LOC128125822: variants seen among roughly 807,000 people sequenced by gnomAD.
At chr6:63,581,889 AATG>A in the LOC128125822 span, 1 of 152,308 alleles carries the variant, frequency 6.6e-6, no homozygotes, top group Non-Finnish European at 1.5e-5. Context: ...AGTTTCCTTT[AATG>A]ATCCACAATA....
At chr6:63,581,588 T>TTG in the LOC128125822 span, 1 of 152,146 alleles carries the variant, frequency 6.6e-6, no homozygotes, top group Admixed American at 6.5e-5. Flanking sequence ...TAGTAAACTT[T>TTG]TAGACAAAAT....
chr6:63,579,811 G>T, the LOC128125822 span, among the ~76,000 whole-genome samples: 2 of 152,102 alleles, frequency 1.3e-5, no homozygotes, highest in Admixed American at 1.3e-4. Context: ...GTGGACTTAC[G>T]TGTAAATGGA....
the LOC128125822 span, chr6:63,573,567 A>G: frequency 6.6e-6 from 1 of 152,206 alleles, no homozygotes; most frequent in East Asian, 1.9e-4. Context: ...CCTCTGGGGC[A>G]TTCCGCGAGC....
At chr6:63,574,044 A>C in the LOC128125822 span, among the ~76,000 whole-genome samples, 2 of 151,990 alleles carry the variant, frequency 1.3e-5, no homozygotes, top group Admixed American at 6.5e-5. Flanking sequence ...GTATTAAGTT[A>C]TTTACACTAC....
the LOC128125822 span, chr6:63,578,390 G>T: frequency 6.4e-7 from 1 of 1,569,390 alleles, no homozygotes; most frequent in South Asian, 1.2e-5. Context: ...TTGAGTTATA[G>T]TGATGTGGTT....
At chr6:63,581,183 T>C in the LOC128125822 span, 2 of 152,556 alleles carry the variant, frequency 1.3e-5, no homozygotes, top group East Asian at 1.9e-4. Flanking sequence ...AAAAAAGAAA[T>C]GGGTTTCTGC....
At chr6:63,579,163 A>G in the LOC128125822 span, 3 of 1,399,940 alleles carry the variant, frequency 2.1e-6, no homozygotes, top group Non-Finnish European at 2.9e-6. Context: ...GAAGGGTGGT[A>G]GATAATACTT....
At chr6:63,577,046 C>T in the LOC128125822 span, 1 of 1,331,274 alleles carries the variant, frequency 7.5e-7, no homozygotes, top group South Asian at 1.3e-5. Flanking sequence ...GGACTTATAG[C>T]TAACAAAATA....
At chr6:63,579,922 C>CT in the LOC128125822 span, 2 of 666,810 alleles carry the variant, frequency 3.0e-6, no homozygotes, top group Non-Finnish European at 5.3e-6. Context: ...GTTCATATTC[C>CT]TTTCTGCATC....
chr6:63,578,425 C>T, the LOC128125822 span: 9 of 1,593,668 alleles, frequency 5.6e-6, no homozygotes, highest in South Asian at 2.3e-5. Context: ...TTTTAATGTA[C>T]GTTTTATCCA....
the LOC128125822 span, chr6:63,581,839 A>G: frequency 6.6e-6 from 1 of 152,274 alleles, no homozygotes; most frequent in East Asian, 1.9e-4. Context: ...TTTGAAATTA[A>G]TTTAAATATT....
chr6:63,574,740 T>C, the LOC128125822 span, among the ~76,000 whole-genome samples: 2 of 152,344 alleles, frequency 1.3e-5, no homozygotes, highest in Admixed American at 6.5e-5. Flanking sequence ...TATAAAGCTT[T>C]TAAAGATCAT....
chr6:63,574,235 C>A, the LOC128125822 span, among the ~76,000 whole-genome samples: 1 of 152,168 alleles, frequency 6.6e-6, no homozygotes, highest in Non-Finnish European at 1.5e-5. Flanking sequence ...TTGTTTGTGA[C>A]AAAGGAGTTA....
At chr6:63,573,769 G>T in the LOC128125822 span, among the ~76,000 whole-genome samples, 4 of 152,148 alleles carry the variant, frequency 2.6e-5, no homozygotes, top group African/African-American at 9.7e-5. Flanking sequence ...GGCCTGGTTC[G>T]GAGCGTCTTG....
At chr6:63,576,348 G>C in the LOC128125822 span, 5 of 395,770 alleles carry the variant, frequency 1.3e-5, no homozygotes, top group Non-Finnish European at 1.8e-5. Flanking sequence ...AAAAATAGTT[G>C]TGTACTTAAA....
chr6:63,575,832 T>A, the LOC128125822 span, among the ~76,000 whole-genome samples: 1 of 152,086 alleles, frequency 6.6e-6, no homozygotes, highest in South Asian at 2.1e-4. Context: ...TTGTTAAGGA[T>A]AAAGTGAGAT....
the LOC128125822 span, among the ~76,000 whole-genome samples, chr6:63,577,771 C>T: frequency 9.2e-5 from 14 of 151,712 alleles, no homozygotes; most frequent in Non-Finnish European, 1.8e-4. Flanking sequence ...AGGCTGGTCT[C>T]GAACTCCTGA....
the LOC128125822 span, chr6:63,576,563 A>G: frequency 2.2e-6 from 1 of 445,304 alleles, no homozygotes; most frequent in Admixed American, 4.0e-5. Context: ...TCCACCAAGA[A>G]GCCCCCATAA....
At chr6:63,572,774 C>T in the LOC128125822 span, 1 of 398,524 alleles carries the variant, frequency 2.5e-6, no homozygotes, top group Non-Finnish European at 4.4e-6. Flanking sequence ...ACCGGCCCCC[C>T]ATCCCCGCTG....
Sources: gnomAD v4.1 joint callset for allele counts (sites outside exome capture counted in the v4.1 genomes callset) on GRCh38, gnomAD v4.1.1 for gene constraint, MANE v1.5 for transcripts.